Variants in MRPL57 observed in about 807,000 individuals in gnomAD.
The protein encoded by MRPL57 is large ribosomal subunit protein mL63.
Under a neutral mutation model 1.3 loss-of-function variants are expected in MRPL57, and 1 was observed. The observed-to-expected ratio is 0.79, with a 90% CI of 0.28 to 3.75. The LOEUF (loss-of-function observed/expected upper bound fraction) is 3.75, where lower values mean the gene tolerates loss of function less well. MRPL57 is among the 30% of genes most tolerant of loss of function. The probability of loss-of-function intolerance (pLI) is 0.19; values close to 1 mark genes in which losing one functional copy is unlikely to be tolerated. For missense variants in MRPL57, 170 were observed against 148.9 expected (o/e 1.14, Z -0.74); for synonymous variants, 79 against 61.7 (o/e 1.28, Z -1.31).
intron 1 of MRPL57, 68 bp from the exon 2 acceptor site, chr13:21,176,844 G>T (rs1871585121): frequency 6.0e-6 from 9 of 1,505,240 alleles, no homozygotes; most frequent in African/African-American, 4.2e-5. Context: ...TGGAGCGCGC[G>T]CCCGCTGCTC....
chr13:21,177,039 C>G lies in MRPL57; in HGVS notation c.123C>G (p.Ile41Met). Residue 41 changes from isoleucine to methionine, a missense_variant, in exon 2 of 2, where the codon ATC (isoleucine) becomes ATG (methionine). Physicochemically the swap from Ile to Met is conservative, Grantham distance 10 (BLOSUM62 1). Transcript: ENST00000309594. ...AGAACATGATCCGCCGCCTGGAGAT[C>G]GAGGCGGAGAACCATTACTGGCTGA... The part of the protein sequence containing the change: ...AKQNMIRRLE[I>M]EAENHYWLSM... The G allele has an allele frequency of 6.2e-7, 1 of 1,613,532 alleles. No homozygotes were observed. Among genetic ancestry groups the G allele is most frequent in the Non-Finnish European group, 8.5e-7 (1 of 1,180,000 alleles).
intron 1 of MRPL57, 31 bp downstream of exon 1, chr13:21,176,748 G>A: frequency 1.4e-6 from 1 of 738,540 alleles, no homozygotes; most frequent in South Asian, 1.9e-5. Context: ...GGTTCTCTAG[G>A]GAGCTCCTTC....
rs1035072363 is a variant in MRPL57, at chr13:21,177,305, T to G, written c.*80T>G. ...GGTCCTGGAACTGAAAAACTGTAGC[T>G]TGTGTGAAAATGAGCCTTTGGACCA... is the stretch of plus-strand genomic sequence containing the variant. On this transcript the variant is annotated 3_prime_UTR_variant, in exon 2 of 2. Coordinates refer to ENST00000309594, the MANE Select transcript of MRPL57 (RefSeq NM_024026.5). The G allele has an allele frequency of 1.6e-5, 23 of 1,465,584 alleles. No individual in the cohort carries two copies. In the Admixed American group the frequency reaches 3.2e-4, roughly 20 times the overall value. 90.8% of individuals were successfully genotyped at this position (1,465,584 alleles called of 1,614,324 possible). A position where few individuals can be genotyped will look rare whatever the true frequency, so the allele number is the denominator to read the frequency against.
rs1871636151 is a variant in MRPL57, at chr13:21,177,304, C to T, written c.*79C>T. 4 of 1,464,044 alleles carry T rather than the reference C, an allele frequency of 2.7e-6. No individual in the cohort carries two copies. In the East Asian group the frequency reaches 9.3e-5, roughly 34 times the overall value. The allele number at this position is 1,464,044 out of a possible 1,614,324, so 90.7% of individuals were successfully genotyped here. On this transcript the variant is annotated 3_prime_UTR_variant, in exon 2 of 2. Transcript: ENST00000309594. ...TGGTCCTGGAACTGAAAAACTGTAG[C>T]TTGTGTGAAAATGAGCCTTTGGACC...
At position 21,177,155 on chromosome 13, in the gene MRPL57, C is replaced by G. The variant is rs932846739; in HGVS notation, c.239C>G (p.Ser80Cys). The change falls in exon 2 of 2, where the codon TCC becomes TGC. Residue 80 changes from serine (S) to cysteine (C), a missense_variant. By Grantham distance (112) the Ser-to-Cys change is moderately radical. Transcript: ENST00000309594. Reference protein sequence around the residue: ...AFEAIKAAATSKFPPHRFIAD... With the variant: ...AFEAIKAAATCKFPPHRFIAD... ...GAGGCCATAAAGGCGGCCGCCACTT[C>G]CAAGTTCCCCCCGCATAGATTCATT... 1 of 1,614,190 alleles carries G rather than the reference C, an allele frequency of 6.2e-7. No individual in the cohort carries two copies. The highest frequency in any genetic ancestry group is 8.5e-7 in the Non-Finnish European group (1 of 1,180,034).
rs959221126 is a variant in MRPL57 at position 21,178,044 on chromosome 13, A to G, written c.*819A>G. On this transcript the variant is annotated 3_prime_UTR_variant, in exon 2 of 2. Transcript: ENST00000309594. ...TTACAGGAAGGTGTATTTTTTAGCT[A>G]TTTTGGCAGGGTGCTGTGGTGCTTG... 3 of 167,110 alleles carry G rather than the reference A, an allele frequency of 1.8e-5. No individual in the cohort carries two copies. The highest frequency in any genetic ancestry group is 4.4e-5 in the Non-Finnish European group (3 of 68,156). The allele number at this position is 167,110 out of a possible 1,614,324, so 10.4% of individuals were successfully genotyped here. A position where few individuals can be genotyped will look rare whatever the true frequency, so the allele number is the denominator to read the frequency against.
Position 21,177,219 on chromosome 13 carries a change from G to C in MRPL57, c.303G>C (p.Trp101Cys). The C allele has an allele frequency of 1.2e-6, 2 of 1,613,650 alleles. No homozygotes were observed. Among genetic ancestry groups the C allele is most frequent in the Non-Finnish European group, 1.7e-6 (2 of 1,180,028 alleles). The change falls in exon 2 of 2, where the codon TGG (tryptophan) becomes TGC (cysteine). Residue 101 changes from tryptophan to cysteine, a missense_variant. Coordinates refer to ENST00000309594, the MANE Select transcript of MRPL57 (RefSeq NM_024026.5). The stretch of plus-strand genomic sequence containing the variant: ...ACCATCTCAATGTCACCAAGAAATG[G>C]TCCTAATCCTGAGTCGTCACCCTTG... The part of the protein sequence containing the change: ...QLDHLNVTKK[W>C]S
Position 21,177,050 on chromosome 13 carries a change from A to G in MRPL57, c.134A>G (p.Asn45Ser). ...MIRRLEIEAE[N>S]HYWLSMPYMT... The stretch of plus-strand genomic sequence containing the variant: ...CGCCGCCTGGAGATCGAGGCGGAGA[A>G]CCATTACTGGCTGAGCATGCCCTAC... Residue 45 changes from asparagine (N) to serine (S), a missense_variant, in exon 2 of 2, where the codon AAC (asparagine) becomes AGC (serine). Asn to Ser is a conservative substitution (Grantham distance 46). Coordinates refer to ENST00000309594, the MANE Select transcript of MRPL57 (RefSeq NM_024026.5). The G allele has an allele frequency of 6.2e-7, 1 of 1,613,706 alleles. No individual in the cohort carries two copies. Among genetic ancestry groups the G allele is most frequent in the Non-Finnish European group, 8.5e-7 (1 of 1,180,008 alleles).
At position 21,178,124 on chromosome 13, in the gene MRPL57, C is replaced by T. The variant is rs917855007; in HGVS notation, c.*899C>T. The T allele has an allele frequency of 2.0e-4, 33 of 165,782 alleles. No homozygotes were observed. The highest frequency in any genetic ancestry group is 4.0e-4 in the Non-Finnish European group (27 of 68,152). The allele number at this position is 165,782 out of a possible 1,614,324, so 10.3% of individuals were successfully genotyped here. On this transcript the variant is annotated 3_prime_UTR_variant, in exon 2 of 2. Transcript: ENST00000309594. ...CTTGAGTCCAGCTTGGGCAACATAG[C>T]GAGACCCTATCTAAAATAACAATAA... is the stretch of plus-strand genomic sequence containing the variant.
In MRPL57 at chr13:21,176,701, C is replaced by T. The variant is rs549449262; in HGVS notation, c.-22C>T. 1.8e-4 allele frequency: 119 copies of T among 673,774 alleles called. No homozygotes were observed. The African/African-American group carries it at 2.1e-3, about 12-fold the overall frequency. 41.7% of individuals were successfully genotyped at this position (673,774 alleles called of 1,614,324 possible). On this transcript the variant is annotated 5_prime_UTR_variant, in exon 1 of 2. Coordinates refer to ENST00000309594, the MANE Select transcript of MRPL57 (RefSeq NM_024026.5). ...GCTGGCGGCCGCGGAGACGCAGAGT[C>T]TTGAGCAGCGCGGCAGGTGAGTAGC...
chr13:21,176,731 C>T lies in MRPL57; in HGVS notation c.-6+14C>T, dbSNP rs556269288. 8.4e-5 allele frequency: 58 copies of T among 691,780 alleles called. No homozygotes were observed. In the African/African-American group the frequency reaches 8.5e-4, roughly 10 times the overall value. The allele number at this position is 691,780 out of a possible 1,614,324, so 42.9% of individuals were successfully genotyped here. On this transcript the variant is annotated intron_variant, in intron 1 of 1. Coordinates refer to ENST00000309594, the MANE Select transcript of MRPL57 (RefSeq NM_024026.5). Reference sequence around the variant, plus strand: ...GCAGCGCGGCAGGTGAGTAGCTGTGCGAATTCGGTTCTCTAGGGAGCTCCT... The same window carrying T: ...GCAGCGCGGCAGGTGAGTAGCTGTGTGAATTCGGTTCTCTAGGGAGCTCCT...
chr13:21,176,724 A>G lies in MRPL57; in HGVS notation c.-6+7A>G. ...GTCTTGAGCAGCGCGGCAGGTGAGT[A>G]GCTGTGCGAATTCGGTTCTCTAGGG... On this transcript the variant is annotated splice_region_variant and intron_variant, in intron 1 of 1. Coordinates refer to ENST00000309594, the MANE Select transcript of MRPL57 (RefSeq NM_024026.5). 1 of 674,526 alleles carries G rather than the reference A, an allele frequency of 1.5e-6. No homozygotes were observed. The highest frequency in any genetic ancestry group is 2.0e-5 in the South Asian group (1 of 51,020). 41.8% of individuals were successfully genotyped at this position (674,526 alleles called of 1,614,324 possible).
chr13:21,177,549 T>G lies in MRPL57; in HGVS notation c.*324T>G. Reference sequence around the variant, plus strand: ...AAGTATGAGATACTTGATGGGGGCTTTATCATGCAACATTAGTTTGCTTAC... The same window carrying G: ...AAGTATGAGATACTTGATGGGGGCTGTATCATGCAACATTAGTTTGCTTAC... On this transcript the variant is annotated 3_prime_UTR_variant, in exon 2 of 2. Coordinates refer to ENST00000309594, the MANE Select transcript of MRPL57 (RefSeq NM_024026.5). 1 of 332,478 alleles carries G rather than the reference T, an allele frequency of 3.0e-6. No homozygotes were observed. The highest frequency in any genetic ancestry group is 5.8e-6 in the Non-Finnish European group (1 of 173,084). 20.6% of individuals were successfully genotyped at this position (332,478 alleles called of 1,614,324 possible). A position where few individuals can be genotyped will look rare whatever the true frequency, so the allele number is the denominator to read the frequency against.
Position 21,177,113 on chromosome 13 carries a change from G to C in MRPL57, c.197G>C (p.Arg66Pro). ...REQERGHAAV[R>P]RREAFEAIKA... The stretch of plus-strand genomic sequence containing the variant: ...CAGGAGCGCGGCCACGCCGCGGTGC[G>C]CAGGAGGGAGGCCTTCGAGGCCATA... The change falls in exon 2 of 2, where the codon CGC becomes CCC. Residue 66 changes from arginine to proline, a missense_variant. Arg to Pro is a moderately radical substitution (Grantham distance 103, BLOSUM62 -2). Coordinates refer to ENST00000309594, the MANE Select transcript of MRPL57 (RefSeq NM_024026.5). 6.2e-7 allele frequency: 1 copy of C among 1,613,922 alleles called. No individual in the cohort carries two copies. The highest frequency in any genetic ancestry group is 8.5e-7 in the Non-Finnish European group (1 of 1,180,032).
chr13:21,177,333 C>G lies in MRPL57; in HGVS notation c.*108C>G. The G allele has an allele frequency of 8.5e-7, 1 of 1,181,496 alleles. No individual in the cohort carries two copies. Among genetic ancestry groups the G allele is most frequent in the Non-Finnish European group, 1.2e-6 (1 of 829,392 alleles). 73.2% of individuals were successfully genotyped at this position (1,181,496 alleles called of 1,614,324 possible). ...TGTGAAAATGAGCCTTTGGACCAGTCTTTATTAAAACAAACAAACATGAGT... is the reference window on the plus strand; with the variant it reads ...TGTGAAAATGAGCCTTTGGACCAGTGTTTATTAAAACAAACAAACATGAGT... On this transcript the variant is annotated 3_prime_UTR_variant, in exon 2 of 2. Transcript: ENST00000309594.
chr13:21,177,348 C>T lies in MRPL57; in HGVS notation c.*123C>T, dbSNP rs1386528922. The T allele has an allele frequency of 4.0e-6, 4 of 991,054 alleles. No homozygotes were observed. In the African/African-American group the frequency reaches 6.6e-5, roughly 16 times the overall value. The allele number at this position is 991,054 out of a possible 1,614,324, so 61.4% of individuals were successfully genotyped here. ...TTGGACCAGTCTTTATTAAAACAAA[C>T]AAACATGAGTAGTCTGCATATCGAA... On this transcript the variant is annotated 3_prime_UTR_variant, in exon 2 of 2. Transcript: ENST00000309594.
At position 21,177,027 on chromosome 13, in the gene MRPL57, C is replaced by T. The variant is rs1262526757; in HGVS notation, c.111C>T (p.Arg37=). ...TGCGCGCCAAGCAGAACATGATCCG[C>T]CGCCTGGAGATCGAGGCGGAGAACC... ...VSLRAKQNMI[R]RLEIEAENHY... The change falls in exon 2 of 2, where the codon CGC becomes CGT. Residue 37 remains arginine (R), a synonymous_variant. Transcript: ENST00000309594. The T allele has an allele frequency of 1.4e-5, 23 of 1,613,328 alleles. No individual in the cohort carries two copies. The highest frequency in any genetic ancestry group is 1.9e-5 in the Non-Finnish European group (22 of 1,179,992).
At position 21,176,933 on chromosome 13, in the gene MRPL57, T is replaced by A. The variant is rs201745616; in HGVS notation, c.17T>A (p.Leu6His). Reference sequence around the variant, plus strand: ...GCAGGCACCATGTTCCTGACTGCGCTCCTCTGGCGCGGCCGCATTCCCGGC... The same window carrying A: ...GCAGGCACCATGTTCCTGACTGCGCACCTCTGGCGCGGCCGCATTCCCGGC... MFLTA[L>H]LWRGRIPGRQ... Residue 6 changes from leucine to histidine, a missense_variant, in exon 2 of 2, where the codon CTC (leucine) becomes CAC (histidine). Leu to His is a moderately conservative substitution (Grantham distance 99). Transcript: ENST00000309594. The A allele has an allele frequency of 6.2e-7, 1 of 1,609,480 alleles. No individual in the cohort carries two copies. Among genetic ancestry groups the A allele is most frequent in the East Asian group, 2.2e-5 (1 of 44,826 alleles).
rs187709343 is a variant in MRPL57 at position 21,178,450 on chromosome 13, C to T, written c.*1225C>T. The T allele has an allele frequency of 1.8e-4, 30 of 166,956 alleles. No individual in the cohort carries two copies. Among genetic ancestry groups the T allele is most frequent in the Non-Finnish European group, 7.3e-5 (5 of 68,118 alleles). The allele number at this position is 166,956 out of a possible 1,614,324, so 10.3% of individuals were successfully genotyped here. A position where few individuals can be genotyped will look rare whatever the true frequency, so the allele number is the denominator to read the frequency against. ...AGAAAATTTAGGTGGGGAAAAAAATCAGAATTGCGTCTGTGGGAACAGGAA... is the reference window on the plus strand; with the variant it reads ...AGAAAATTTAGGTGGGGAAAAAAATTAGAATTGCGTCTGTGGGAACAGGAA... On this transcript the variant is annotated 3_prime_UTR_variant, in exon 2 of 2. Coordinates refer to ENST00000309594, the MANE Select transcript of MRPL57 (RefSeq NM_024026.5).
Sources: gnomAD v4.1 joint callset for allele counts on GRCh38, gnomAD v4.1.1 for gene constraint, MANE v1.5 for transcripts, NCBI Gene and HGNC (gene_info 2026-07-23, HGNC 2026-07-21) for gene names.